The following PIK3CB variants were observed in gnomAD, a reference collection of about 807,000 sequenced individuals.
The protein encoded by PIK3CB is phosphatidylinositol-4,5-bisphosphate 3-kinase catalytic subunit beta.
A neutral mutation model predicts 136.8 loss-of-function variants in PIK3CB; 39 were observed. The observed-to-expected ratio is 0.29, with a 90% CI of 0.22 to 0.37. The LOEUF (loss-of-function observed/expected upper bound fraction) is 0.37, where lower values mean the gene tolerates loss of function less well. Ranked by LOEUF, PIK3CB falls within the 10% of genes least tolerant of loss-of-function variation. PIK3CB has a pLI of 1.00. For synonymous variants in PIK3CB, 428 were observed against 436.6 expected (o/e 0.98, Z 0.25); for missense variants, 868 against 1,275.4 (o/e 0.68, Z 4.87).
intron 2 of PIK3CB, among the ~76,000 whole-genome samples, chr3:138,768,714 T>C (rs1314499517): frequency 1.3e-5 from 2 of 152,186 alleles, no homozygotes; most frequent in African/African-American, 2.4e-5. Flanking sequence ...CCTATGTTCA[T>C]TGGTGCCCAA....
At chr3:138,833,229 G>T (rs1934120441) in intron 1 of PIK3CB, among the ~76,000 whole-genome samples, 1 of 151,596 alleles carries the variant, frequency 6.6e-6, no homozygotes, top group South Asian at 2.1e-4. Context: ...ACCACGCCCT[G>T]CTAATTTTTG....
intron 2 of PIK3CB, among the ~76,000 whole-genome samples, chr3:138,779,554 G>T (rs1175395227): frequency 6.6e-6 from 1 of 151,748 alleles, no homozygotes; most frequent in Non-Finnish European, 1.5e-5. Flanking sequence ...ACCATGCCTG[G>T]CTAATTTTTT....
chr3:138,659,868 T>TG, intron 21 of PIK3CB, among the ~76,000 whole-genome samples: 2 of 31,826 alleles, frequency 6.3e-5, no homozygotes, highest in African/African-American at 2.4e-4. Flanking sequence ...TTCCTCTTCT[T>TG]TTTTTTTTTT....
chr3:138,830,523 A>G (rs1323781334), intron 1 of PIK3CB, among the ~76,000 whole-genome samples: 1 of 152,056 alleles, frequency 6.6e-6, no homozygotes, highest in Admixed American at 6.6e-5. Flanking sequence ...ACCGCACTCC[A>G]GCCTGAACGG....
intron 19 of PIK3CB, among the ~76,000 whole-genome samples, chr3:138,681,450 C>G (rs775694443): frequency 3.3e-5 from 5 of 152,098 alleles, no homozygotes; most frequent in African/African-American, 4.8e-5. Context: ...ATTGTGAATA[C>G]GATTCCCAGT....
intron 8 of PIK3CB, among the ~76,000 whole-genome samples, chr3:138,715,844 TA>T (rs984555433): frequency 4.0e-5 from 6 of 151,430 alleles, no homozygotes; most frequent in African/African-American, 1.5e-4. Context: ...CATAATATAG[TA>T]AAAAAAAGAT....
chr3:138,668,911 T>C (rs2043469232), intron 19 of PIK3CB, among the ~76,000 whole-genome samples: 1 of 152,224 alleles, frequency 6.6e-6, no homozygotes, highest in Non-Finnish European at 1.5e-5. Flanking sequence ...CTTCTACTTA[T>C]GAGTGATATT....
intron 21 of PIK3CB, among the ~76,000 whole-genome samples, chr3:138,661,871 T>C (rs575714533): frequency 6.6e-6 from 1 of 152,282 alleles, no homozygotes; most frequent in South Asian, 2.1e-4. Context: ...ATCTAAGATA[T>C]CTCATCTGTT....
chr3:138,676,562 T>C (rs1312284026), intron 19 of PIK3CB, among the ~76,000 whole-genome samples: 1 of 152,246 alleles, frequency 6.6e-6, no homozygotes, highest in Non-Finnish European at 1.5e-5. Context: ...TATAGTTTTA[T>C]AGCAGTTATT....
chr3:138,795,068 C>T (rs552250422), intron 2 of PIK3CB, among the ~76,000 whole-genome samples: 1 of 152,102 alleles, frequency 6.6e-6, no homozygotes, highest in East Asian at 1.9e-4. Context: ...GCCTGTAATC[C>T]CAGCACTTTG....
At chr3:138,793,405 A>G (rs1223968286) in intron 2 of PIK3CB, among the ~76,000 whole-genome samples, 1 of 152,056 alleles carries the variant, frequency 6.6e-6, no homozygotes, top group African/African-American at 2.4e-5. Flanking sequence ...GAGGAGTTTG[A>G]GACCAGCCCC....
chr3:138,815,181 A>T (rs1365186791), intron 1 of PIK3CB, among the ~76,000 whole-genome samples: 1 of 138,254 alleles, frequency 7.2e-6, no homozygotes, highest in Admixed American at 7.5e-5. Flanking sequence ...ATATATACAT[A>T]TATATATATA....
chr3:138,665,185 A>G lies in PIK3CB; in HGVS notation c.2523T>C (p.Cys841=). ...GGCCAGAGCGATCTCCTGTTGCTAA[A>G]CAGCCATAAGGCAACATCCTGGAAG... ...GLDLRMLPYG[C]LATGDRSGLI... The change falls in exon 20 of 24, where the codon TGT becomes TGC. Residue 841 remains cysteine (C), a synonymous_variant. Transcript: ENST00000674063. 6.2e-7 allele frequency: 1 copy of G among 1,607,466 alleles called. No homozygotes were observed. Among genetic ancestry groups the G allele is most frequent in the Non-Finnish European group, 8.5e-7 (1 of 1,176,334 alleles).
In PIK3CB at chr3:138,691,080, A is replaced by T. The variant is rs1480021746; in HGVS notation, c.1956T>A (p.Leu652=). Residue 652 remains leucine (L), a synonymous_variant, in exon 15 of 24, where the codon CTT becomes CTA. Coordinates refer to ENST00000674063, the MANE Select transcript of PIK3CB (RefSeq NM_006219.3). Reference sequence around the variant, plus strand: ...ATAGGAATCTAGAGAGGGCACAATCAAGAAAAGGCTCATATTTTAACACTT... The same window carrying T: ...ATAGGAATCTAGAGAGGGCACAATCTAGAAAAGGCTCATATTTTAACACTT... ...LVQVLKYEPF[L]DCALSRFLLE... 3.7e-6 allele frequency: 6 copies of T among 1,612,570 alleles called. No individual in the cohort carries two copies. In the East Asian group the frequency reaches 1.3e-4, roughly 36 times the overall value.
chr3:138,715,507 A>G (rs563680465), intron 8 of PIK3CB, among the ~76,000 whole-genome samples: 1 of 152,322 alleles, frequency 6.6e-6, no homozygotes, highest in African/African-American at 2.4e-5. Context: ...CTCAACAAAT[A>G]TTTACTAAAC....
At chr3:138,724,250 A>G (rs1281077584) in intron 8 of PIK3CB, among the ~76,000 whole-genome samples, 1 of 152,178 alleles carries the variant, frequency 6.6e-6, no homozygotes, top group African/African-American at 2.4e-5. Flanking sequence ...AGGGAAACAC[A>G]TTTACCCATT....
intron 19 of PIK3CB, among the ~76,000 whole-genome samples, chr3:138,668,986 A>G (rs1413474738): frequency 6.6e-6 from 1 of 152,196 alleles, no homozygotes; most frequent in African/African-American, 2.4e-5. Context: ...TCTGAGTAGT[A>G]CCTTAGCCAT....
At chr3:138,672,932 A>G (rs2108449375) in intron 19 of PIK3CB, among the ~76,000 whole-genome samples, 3 of 148,128 alleles carry the variant, frequency 2.0e-5, no homozygotes, top group Non-Finnish European at 4.5e-5. Context: ...AAAAAAAAAG[A>G]GAGAGAGAGA....
chr3:138,731,094 A>C (rs572623543), intron 8 of PIK3CB, among the ~76,000 whole-genome samples: 59 of 152,324 alleles, frequency 3.9e-4, no homozygotes, highest in African/African-American at 1.3e-3. Context: ...AAATCACAGA[A>C]ATAAACACAA....
Sources: gnomAD v4.1 joint callset for allele counts (sites outside exome capture counted in the v4.1 genomes callset) on GRCh38, gnomAD v4.1.1 for gene constraint, MANE v1.5 for transcripts, NCBI Gene and HGNC (gene_info 2026-07-23, HGNC 2026-07-21) for gene names.